The following RPS6KA1 variants were observed in gnomAD, a reference collection of about 807,000 sequenced individuals.
RPS6KA1 encodes the protein ribosomal protein S6 kinase A1.
A neutral mutation model predicts 91.3 loss-of-function variants in RPS6KA1; 48 were observed. The observed-to-expected ratio is 0.53, with a 90% CI of 0.42 to 0.67. The LOEUF (loss-of-function observed/expected upper bound fraction) is 0.67. RPS6KA1 is among the 30% of genes least tolerant of loss of function. The pLI, the probability that RPS6KA1 is intolerant of heterozygous loss-of-function variation, is 0.00. For missense variants in RPS6KA1, 719 were observed against 960.5 expected (o/e 0.75, Z 3.32); for synonymous variants, 359 against 384.7 (o/e 0.93, Z 0.78).
intron 13 of RPS6KA1, among the ~76,000 whole-genome samples, chr1:26,557,388 G>A (rs983327930): frequency 2.0e-5 from 3 of 152,106 alleles, no homozygotes; most frequent in Non-Finnish European, 4.4e-5. Flanking sequence ...CCTGCCCGGG[G>A]CACCTTCCAG....
intron 1 of RPS6KA1, among the ~76,000 whole-genome samples, chr1:26,534,544 T>A (rs1393211899): frequency 6.6e-6 from 1 of 152,178 alleles, no homozygotes. Flanking sequence ...TAAAATAGAC[T>A]GTTTTCAGGG....
At chr1:26,546,157 A>T in intron 2 of RPS6KA1, 1 of 1,135,422 alleles carries the variant, frequency 8.8e-7, no homozygotes, top group Non-Finnish European at 1.2e-6. Context: ...CTGCAGGGTG[A>T]CTGGACCCTG....
intron 6 of RPS6KA1, chr1:26,552,902 C>T: frequency 5.5e-6 from 2 of 364,400 alleles, no homozygotes; most frequent in South Asian, 2.1e-5. Context: ...TATAGGTAAA[C>T]ATTTTTATTG....
chr1:26,540,635 G>A lies in RPS6KA1; in HGVS notation c.108+3666G>A, dbSNP rs970859844. On this transcript the variant is annotated intron_variant, in intron 2 of 21. Transcript: ENST00000374168. This position sits in a 1 kb window ranked among gnomAD's most constrained non-coding sequence, Gnocchi z 4.2. Reference sequence around the variant, plus strand: ...CTGTTGCCCAGGCTGGAGTGCAGTGGTACAACCACAGCTCACTGTAGCCTT... The same window carrying A: ...CTGTTGCCCAGGCTGGAGTGCAGTGATACAACCACAGCTCACTGTAGCCTT... 2.6e-5 allele frequency among the ~76,000 whole-genome samples: 4 copies of A among 152,212 alleles called. No individual in the cohort carries two copies. Among genetic ancestry groups the A allele is most frequent in the Admixed American group, 1.3e-4 (2 of 15,278 alleles).
chr1:26,537,051 G>C, intron 2 of RPS6KA1, 82 bp downstream of exon 2: 2 of 1,447,080 alleles, frequency 1.4e-6, no homozygotes, highest in South Asian at 1.1e-5. Flanking sequence ...GAGGGCTCCA[G>C]CCTCTAGCCC....
Position 26,570,305 on chromosome 1 carries a change from C to T in RPS6KA1, c.1591-1144C>T, listed in dbSNP as rs530448744. On this transcript the variant is annotated intron_variant, in intron 17 of 21. Transcript: ENST00000374168. ...TTCAAGAGCAGCCTGGGCAACATAGCGAGACCCTGTCTCTGCAAAAAATGT... is the reference window on the plus strand; with the variant it reads ...TTCAAGAGCAGCCTGGGCAACATAGTGAGACCCTGTCTCTGCAAAAAATGT... Among the ~76,000 whole-genome samples, 29 of 151,962 alleles carry T rather than the reference C, an allele frequency of 1.9e-4. No individual in the cohort carries two copies. The South Asian group carries it at 2.3e-3, about 12-fold the overall frequency.
In RPS6KA1 at chr1:26,539,098, C is replaced by T. The variant is rs76861936; in HGVS notation, c.108+2129C>T. Among the ~76,000 whole-genome samples, 675 of 152,320 alleles carry T rather than the reference C, an allele frequency of 4.4e-3. 18 individuals carry two copies. Among genetic ancestry groups the T allele is most frequent in the East Asian group, 0.03 (158 of 5,182 alleles). On this transcript the variant is annotated intron_variant, in intron 2 of 21. Transcript: ENST00000374168. ...TAGGCGCTATGATGGGGCAAGAGCA[C>T]AGCTGTGGGCACATAGAACCTCTGC...
At position 26,540,724 on chromosome 1, in the gene RPS6KA1, C is replaced by T. The variant is rs1037876503; in HGVS notation, c.108+3755C>T. The stretch of plus-strand genomic sequence containing the variant: ...CGGAGTAGCTGGGACTACAGGCGCA[C>T]GCCACTATGCCCAGCCAGGAGTTCA... On this transcript the variant is annotated intron_variant, in intron 2 of 21. Coordinates refer to ENST00000374168, the MANE Select transcript of RPS6KA1 (RefSeq NM_002953.4). The surrounding 1 kb of genome is among the most constrained non-coding windows in gnomAD (Gnocchi z 4.2). Among the ~76,000 whole-genome samples, 101 of 152,240 alleles carry T rather than the reference C, an allele frequency of 6.6e-4. No homozygotes were observed. The highest frequency in any genetic ancestry group is 4.3e-3 in the Admixed American group (66 of 15,300).
intron 1 of RPS6KA1, among the ~76,000 whole-genome samples, chr1:26,535,409 C>CTCCAAAGTCCAGA (rs1485238076): frequency 1.3e-5 from 2 of 152,180 alleles, no homozygotes; most frequent in African/African-American, 4.8e-5. Context: ...CAGCTCCTGG[C>CTCCAAAGTCCAGA]TCCAAAGTCC....
Position 26,561,405 on chromosome 1 carries a change from C to T in RPS6KA1, c.1432-100C>T, listed in dbSNP as rs2076152990. The stretch of plus-strand genomic sequence containing the variant: ...CACTGAAGAGCAAGCAGAACACCTG[C>T]CCAAGGCTCATGTCATTCTTCCCTG... On this transcript the variant is annotated intron_variant, in intron 16 of 21. Transcript: ENST00000374168. This position sits in a 1 kb window ranked among gnomAD's most constrained non-coding sequence, Gnocchi z 5.7. 2 of 1,491,456 alleles carry T rather than the reference C, an allele frequency of 1.3e-6. No individual in the cohort carries two copies. The highest frequency in any genetic ancestry group is 2.4e-5 in the South Asian group (2 of 85,086). The allele number at this position is 1,491,456 out of a possible 1,614,324, so 92.4% of individuals were successfully genotyped here.
In RPS6KA1 at chr1:26,574,631, T is replaced by A; in HGVS notation, c.*430T>A. 1 of 367,240 alleles carries A rather than the reference T, an allele frequency of 2.7e-6. No homozygotes were observed. The highest frequency in any genetic ancestry group is 5.3e-6 in the Non-Finnish European group (1 of 187,578). 22.7% of individuals were successfully genotyped at this position (367,240 alleles called of 1,614,324 possible). A position where few individuals can be genotyped will look rare whatever the true frequency, so the allele number is the denominator to read the frequency against. On this transcript the variant is annotated 3_prime_UTR_variant, in exon 22 of 22. Transcript: ENST00000374168. The surrounding 1 kb of genome is among the most constrained non-coding windows in gnomAD (Gnocchi z 4.3). ...CCACCTGTAGCCATCTGCACACACC[T>A]CCGAGACAGTCCAGTGTCACCTCTC...
chr1:26,534,929 A>G (rs1275991757), intron 1 of RPS6KA1, among the ~76,000 whole-genome samples: 2 of 152,182 alleles, frequency 1.3e-5, no homozygotes, highest in African/African-American at 2.4e-5. Flanking sequence ...GGCCTGGTAC[A>G]TAGAAGGTTC....
intron 1 of RPS6KA1, among the ~76,000 whole-genome samples, chr1:26,531,778 G>A (rs1456733586): frequency 6.6e-6 from 1 of 152,160 alleles, no homozygotes; most frequent in South Asian, 2.1e-4. Context: ...CTAGGTTCTA[G>A]CCTCCACTTC....
At chr1:26,559,961 G>A (rs956891253) in intron 14 of RPS6KA1, among the ~76,000 whole-genome samples, 3 of 152,144 alleles carry the variant, frequency 2.0e-5, no homozygotes, top group African/African-American at 4.8e-5. Context: ...GCGTGTTGGC[G>A]CGTGCCTATA....
chr1:26,555,180 C>G lies in RPS6KA1; in HGVS notation c.786C>G (p.Phe262Leu). 1 of 1,614,112 alleles carries G rather than the reference C, an allele frequency of 6.2e-7. No homozygotes were observed. Among genetic ancestry groups the G allele is most frequent in the Non-Finnish European group, 8.5e-7 (1 of 1,179,974 alleles). ...MFEMLTGSLP[F>L]QGKDRKETMT... ...AGATGCTGACGGGCTCCCTGCCCTT[C>G]CAGGGGAAGGACCGGAAGGAGACCA... Residue 262 changes from phenylalanine to leucine, a missense_variant, in exon 10 of 22, where the codon TTC becomes TTG. Transcript: ENST00000374168. This position sits in a 1 kb window ranked among gnomAD's most constrained non-coding sequence, Gnocchi z 4.3.
chr1:26,567,317 G>C (rs1040503975), intron 17 of RPS6KA1, among the ~76,000 whole-genome samples: 7 of 152,040 alleles, frequency 4.6e-5, no homozygotes, highest in African/African-American at 1.4e-4. Flanking sequence ...GTGAGCCACT[G>C]CACCCAGCCC....
rs564464583 is a variant in RPS6KA1 at position 26,558,692 on chromosome 1, G to A, written c.1085-115G>A. On this transcript the variant is annotated intron_variant, in intron 13 of 21. Transcript: ENST00000374168. This position sits in a 1 kb window ranked among gnomAD's most constrained non-coding sequence, Gnocchi z 4.0. ...ATGGACAGGCCCTCTGCAGGCTCCC[G>A]CCACGGCCAGCCCCTGAGGCAGGTC... 17 of 1,292,624 alleles carry A rather than the reference G, an allele frequency of 1.3e-5. No individual in the cohort carries two copies. In the East Asian group the frequency reaches 1.9e-4, roughly 14 times the overall value. 80.1% of individuals were successfully genotyped at this position (1,292,624 alleles called of 1,614,324 possible). A position where few individuals can be genotyped will look rare whatever the true frequency, so the allele number is the denominator to read the frequency against.
At chr1:26,543,499 A>G (rs1380606292) in intron 2 of RPS6KA1, among the ~76,000 whole-genome samples, 1 of 151,798 alleles carries the variant, frequency 6.6e-6, no homozygotes, top group Non-Finnish European at 1.5e-5. Context: ...GTCTGATTTG[A>G]CTGCAGTTTT....
intron 15 of RPS6KA1, 73 bp from the exon 16 acceptor site, chr1:26,560,972 G>A (rs2124653244): frequency 3.1e-6 from 5 of 1,600,164 alleles, no homozygotes; most frequent in Non-Finnish European, 4.3e-6. Context: ...GAGACCTCCT[G>A]GCCTGCTCCA....
Sources: gnomAD v4.1 joint callset for allele counts (sites outside exome capture counted in the v4.1 genomes callset) on GRCh38, gnomAD v4.1.1 for gene constraint, Gnocchi (gnomAD v3.1) non-coding constraint, MANE v1.5 for transcripts, NCBI Gene and HGNC (gene_info 2026-07-23, HGNC 2026-07-21) for gene names.